ARHGAP18: variants seen among roughly 807,000 people sequenced by gnomAD.
ARHGAP18 encodes rho GTPase-activating protein 18.
A neutral mutation model predicts 86.2 loss-of-function variants in ARHGAP18; 67 were observed. That is an observed-to-expected ratio of 0.78 (90% CI 0.64 to 0.95). The LOEUF (loss-of-function observed/expected upper bound fraction) is 0.95. Ranked by LOEUF, ARHGAP18 falls within the 40% of genes least tolerant of loss-of-function variation. The pLI is 0.00. For missense variants in ARHGAP18, 691 were observed against 780.4 expected, an observed-to-expected ratio of 0.89 and a Z score of 1.37; for synonymous variants, 283 against 280.4, an observed-to-expected ratio of 1.01 and a Z score of -0.09.
chr6:129,686,370 C>T (rs1391901245), intron 1 of ARHGAP18, among the ~76,000 whole-genome samples: 1 of 152,212 alleles, frequency 6.6e-6, no homozygotes, highest in African/African-American at 2.4e-5. Flanking sequence ...ATAAGACTCT[C>T]TGCACATTCT....
At chr6:129,633,822 A>G (rs893888170) in intron 4 of ARHGAP18, among the ~76,000 whole-genome samples, 7 of 152,228 alleles carry the variant, frequency 4.6e-5, no homozygotes, top group African/African-American at 1.4e-4. Flanking sequence ...TCAGGAAGAT[A>G]CGTATACGCA....
chr6:129,584,885 C>G (rs1562676632), intron 12 of ARHGAP18, among the ~76,000 whole-genome samples: 1 of 152,132 alleles, frequency 6.6e-6, no homozygotes. Context: ...TTAAATAATA[C>G]AAATACCCTG....
chr6:129,658,694 T>C (rs149113440), intron 1 of ARHGAP18, among the ~76,000 whole-genome samples: 101 of 152,348 alleles, frequency 6.6e-4, no homozygotes, highest in African/African-American at 2.4e-3. Context: ...TGACATATGA[T>C]AAAGTTCTTC....
At chr6:129,594,939 C>G (rs1023159136) in intron 12 of ARHGAP18, among the ~76,000 whole-genome samples, 1 of 152,140 alleles carries the variant, frequency 6.6e-6, no homozygotes, top group East Asian at 1.9e-4. Context: ...TTCTTAGAGT[C>G]CTTCTGTGAT....
intron 1 of ARHGAP18, among the ~76,000 whole-genome samples, chr6:129,695,370 AAC>A (rs1189161210): frequency 6.9e-6 from 1 of 144,190 alleles, no homozygotes; most frequent in Non-Finnish European, 1.5e-5. Context: ...AACAGTGTCC[AAC>A]ACACAATTTT....
intron 12 of ARHGAP18, among the ~76,000 whole-genome samples, chr6:129,589,375 C>A (rs1354251354): frequency 6.6e-6 from 1 of 152,202 alleles, no homozygotes; most frequent in Non-Finnish European, 1.5e-5. Flanking sequence ...CCACCAGTTT[C>A]TTTGCTAAAG....
chr6:129,670,339 A>C (rs957369400), intron 1 of ARHGAP18, among the ~76,000 whole-genome samples: 2 of 152,242 alleles, frequency 1.3e-5, no homozygotes, highest in Admixed American at 1.3e-4. Flanking sequence ...AGGTGTCTAC[A>C]GTCACCTGGA....
At chr6:129,591,277 T>C (rs987161900) in intron 12 of ARHGAP18, among the ~76,000 whole-genome samples, 13 of 152,348 alleles carry the variant, frequency 8.5e-5, no homozygotes, top group African/African-American at 2.6e-4. Flanking sequence ...GTATGATCTT[T>C]ATAACCCTTC....
At chr6:129,687,436 C>G (rs1430180831) in intron 1 of ARHGAP18, among the ~76,000 whole-genome samples, 1 of 152,098 alleles carries the variant, frequency 6.6e-6, no homozygotes, top group South Asian at 2.1e-4. Flanking sequence ...CACAACAACC[C>G]TTTTCTTCTT....
intron 5 of ARHGAP18, among the ~76,000 whole-genome samples, chr6:129,623,319 G>A (rs1190074715): frequency 1.3e-5 from 2 of 152,040 alleles, no homozygotes; most frequent in Non-Finnish European, 2.9e-5. Flanking sequence ...GAAAAATAGG[G>A]GTGTCTACCT....
Position 129,615,968 on chromosome 6 carries a change from A to G in ARHGAP18, c.1044+244T>C, listed in dbSNP as rs75860074. Reference sequence around the variant, plus strand: ...TAGAATTGAAATCTCAATTATACAAAGCCAGCTAATATAAGACAGGAAAAT... The same window carrying G: ...TAGAATTGAAATCTCAATTATACAAGGCCAGCTAATATAAGACAGGAAAAT... On this transcript the variant is annotated intron_variant, in intron 7 of 14. Transcript: ENST00000368149. Among the ~76,000 whole-genome samples, 518 of 152,324 alleles carry G rather than the reference A, an allele frequency of 3.4e-3. 4 individuals carry two copies. Among genetic ancestry groups the G allele is most frequent in the African/African-American group, 0.012 (497 of 41,566 alleles).
chr6:129,659,267 G>A (rs185153254), intron 1 of ARHGAP18, among the ~76,000 whole-genome samples: 8 of 152,254 alleles, frequency 5.3e-5, no homozygotes, highest in Admixed American at 2.6e-4. Flanking sequence ...GGTTCTCCTC[G>A]TAGAGCCCAG....
At chr6:129,683,785 G>T (rs1006548813) in intron 1 of ARHGAP18, among the ~76,000 whole-genome samples, 1 of 152,190 alleles carries the variant, frequency 6.6e-6, no homozygotes, top group African/African-American at 2.4e-5. Context: ...GCACAAAGTG[G>T]ATATGGTGAA....
chr6:129,618,372 A>G (rs1789139788), intron 6 of ARHGAP18, among the ~76,000 whole-genome samples: 1 of 152,230 alleles, frequency 6.6e-6, no homozygotes, highest in South Asian at 2.1e-4. Context: ...AAATATGTGT[A>G]CCAAATATGT....
chr6:129,670,255 A>G (rs1364286430), intron 1 of ARHGAP18, among the ~76,000 whole-genome samples: 1 of 152,248 alleles, frequency 6.6e-6, no homozygotes, highest in African/African-American at 2.4e-5. Flanking sequence ...AAAAAAGGAA[A>G]TAAACCTAAG....
chr6:129,704,001 A>G (rs976181836), intron 1 of ARHGAP18, among the ~76,000 whole-genome samples: 1 of 152,000 alleles, frequency 6.6e-6, no homozygotes, highest in African/African-American at 2.4e-5. Flanking sequence ...ATCAGGTAAT[A>G]ATACACTAAT....
chr6:129,612,306 G>C (rs1470342660), intron 7 of ARHGAP18, among the ~76,000 whole-genome samples: 1 of 152,140 alleles, frequency 6.6e-6, no homozygotes, highest in East Asian at 1.9e-4. Context: ...GATCTTCTTG[G>C]AGTAGGCATT....
chr6:129,578,425 G>C lies in ARHGAP18; in HGVS notation c.*88C>G, dbSNP rs1210338792. On this transcript the variant is annotated 3_prime_UTR_variant, in exon 15 of 15. Coordinates refer to ENST00000368149, the MANE Select transcript of ARHGAP18 (RefSeq NM_033515.3). The stretch of plus-strand genomic sequence containing the variant: ...ATACTTGGGTACAACTGAATAATAT[G>C]AGTCCTGCCATTTCTTTTATTTACA... The C allele has an allele frequency of 1.0e-6, 1 of 998,594 alleles. No homozygotes were observed. Among genetic ancestry groups the C allele is most frequent in the Admixed American group, 2.1e-5 (1 of 48,758 alleles). The allele number at this position is 998,594 out of a possible 1,614,324, so 61.9% of individuals were successfully genotyped here.
chr6:129,618,856 A>T lies in ARHGAP18; in HGVS notation c.787-4T>A, dbSNP rs1479139700. 1.2e-6 allele frequency: 2 copies of T among 1,611,018 alleles called. No individual in the cohort carries two copies. On this transcript the variant is annotated splice_polypyrimidine_tract_variant and splice_region_variant and intron_variant, in intron 5 of 14. Coordinates refer to ENST00000368149, the MANE Select transcript of ARHGAP18 (RefSeq NM_033515.3). The stretch of plus-strand genomic sequence containing the variant: ...TGTCTTTTGGCAATCTGAAACTCTA[A>T]AATAAACATCATTAATATAGTAAAA...
Sources: gnomAD v4.1 joint callset for allele counts (sites outside exome capture counted in the v4.1 genomes callset) on GRCh38, gnomAD v4.1.1 for gene constraint, MANE v1.5 for transcripts, NCBI Gene and HGNC (gene_info 2026-07-23, HGNC 2026-07-21) for gene names.